Variants in CDH12 observed in about 807,000 individuals in gnomAD.
CDH12 encodes the protein cadherin 12.
CDH12 carries 41 observed loss-of-function variants against 74.1 expected under a neutral mutation model. The ratio of observed to expected loss-of-function variants is 0.55; its 90% confidence interval spans 0.43 to 0.72. The LOEUF (loss-of-function observed/expected upper bound fraction) is 0.72. CDH12 is among the 30% of genes least tolerant of loss of function. The probability of loss-of-function intolerance (pLI) is 0.00; values close to 1 mark genes in which losing one functional copy is unlikely to be tolerated. For synonymous variants in CDH12, 399 were observed against 355.0 expected (o/e 1.12, Z -1.39); for missense variants, 945 against 977.2 (o/e 0.97, Z 0.44).
chr5:22,088,591 C>T (rs1352612528), intron 4 of CDH12, among the ~76,000 whole-genome samples: 1 of 152,140 alleles, frequency 6.6e-6, no homozygotes, highest in African/African-American at 2.4e-5. Context: ...TTGGTATAGA[C>T]ATTCCTCTCA....
chr5:21,822,973 T>C (rs963722481), intron 8 of CDH12, among the ~76,000 whole-genome samples: 2 of 152,132 alleles, frequency 1.3e-5, no homozygotes, highest in African/African-American at 4.8e-5. Flanking sequence ...AAATTGTCTT[T>C]CAAAAATTAT....
chr5:22,221,203 C>A (rs972536283), intron 3 of CDH12, among the ~76,000 whole-genome samples: 1 of 151,818 alleles, frequency 6.6e-6, no homozygotes, highest in African/African-American at 2.4e-5. Context: ...AGCTTTTAAT[C>A]TGCTTATTCA....
At chr5:22,839,936 T>G (rs1013177137) in intron 1 of CDH12, among the ~76,000 whole-genome samples, 1 of 152,168 alleles carries the variant, frequency 6.6e-6, no homozygotes, top group African/African-American at 2.4e-5. Flanking sequence ...AACAATAAGT[T>G]AAAACTCTGA....
chr5:22,255,294 A>G (rs1185923194), intron 3 of CDH12, among the ~76,000 whole-genome samples: 4 of 151,554 alleles, frequency 2.6e-5, no homozygotes, highest in Admixed American at 2.0e-4. Context: ...ATGAGTTTCT[A>G]TTTTTCACCA....
intron 3 of CDH12, among the ~76,000 whole-genome samples, chr5:22,302,281 G>A (rs938694813): frequency 6.6e-6 from 1 of 152,028 alleles, no homozygotes; most frequent in African/African-American, 2.4e-5. Context: ...ATTAGTGCTT[G>A]TGTCAAGAAA....
intron 4 of CDH12, among the ~76,000 whole-genome samples, chr5:22,197,394 C>A (rs553687238): frequency 3.1e-4 from 47 of 152,210 alleles, no homozygotes; most frequent in African/African-American, 5.3e-4. Flanking sequence ...TTGCAGTGAG[C>A]CAAGAGTCCG....
At chr5:22,319,458 G>A (rs1012935069) in intron 3 of CDH12, among the ~76,000 whole-genome samples, 1 of 152,058 alleles carries the variant, frequency 6.6e-6, no homozygotes, top group African/African-American at 2.4e-5. Flanking sequence ...CGGAAATTTA[G>A]GGTTTGTCTA....
intron 4 of CDH12, among the ~76,000 whole-genome samples, chr5:22,090,312 A>C (rs1743333860): frequency 6.6e-6 from 1 of 151,924 alleles, no homozygotes; most frequent in Non-Finnish European, 1.5e-5. Context: ...TAGAAAGACA[A>C]AAATTAATAA....
chr5:22,172,596 T>G (rs577773212), intron 4 of CDH12: 1 of 151,866 alleles, frequency 6.6e-6, no homozygotes, highest in East Asian at 1.9e-4. Flanking sequence ...AACTGGGAGG[T>G]CTCTTTCCTT....
chr5:22,717,567 C>T lies in CDH12; in HGVS notation c.-523+135491G>A, dbSNP rs973534764. ...TATATTTTCTACAGTAGAAAGGATA[C>T]ACAAATGTGACCCAAAATGCCAGGC... On this transcript the variant is annotated intron_variant, in intron 1 of 14. Coordinates refer to ENST00000382254, the MANE Select transcript of CDH12 (RefSeq NM_004061.5). Among the ~76,000 whole-genome samples, 3 of 152,076 alleles carry T rather than the reference C, an allele frequency of 2.0e-5. No individual in the cohort carries two copies. In the South Asian group the frequency reaches 6.2e-4, roughly 32 times the overall value.
At chr5:21,934,637 A>G (rs1302636643) in intron 6 of CDH12, among the ~76,000 whole-genome samples, 1 of 152,158 alleles carries the variant, frequency 6.6e-6, no homozygotes, top group Non-Finnish European at 1.5e-5. Flanking sequence ...ATGTGCGTGT[A>G]TGCATGTGTT....
At chr5:22,235,249 T>C (rs1348055891) in intron 3 of CDH12, among the ~76,000 whole-genome samples, 1 of 152,044 alleles carries the variant, frequency 6.6e-6, no homozygotes, top group East Asian at 1.9e-4. Flanking sequence ...TGATAATATA[T>C]ACAGTACACA....
chr5:21,939,280 T>C (rs1261920792), intron 6 of CDH12, among the ~76,000 whole-genome samples: 2 of 151,510 alleles, frequency 1.3e-5, no homozygotes, highest in Non-Finnish European at 1.5e-5. Context: ...TAGGAAAAAA[T>C]AGTTGCACTG....
At chr5:22,022,097 A>T (rs1425534848) in intron 5 of CDH12, among the ~76,000 whole-genome samples, 2 of 152,184 alleles carry the variant, frequency 1.3e-5, no homozygotes, top group Non-Finnish European at 2.9e-5. Flanking sequence ...TCAGCTTTCC[A>T]AAGTGTTGGG....
intron 6 of CDH12, among the ~76,000 whole-genome samples, chr5:21,918,442 G>A (rs140048171): frequency 6.6e-6 from 1 of 151,882 alleles, no homozygotes; most frequent in East Asian, 1.9e-4. Context: ...AGACATACCC[G>A]AGGCTGGGTA....
intron 1 of CDH12, among the ~76,000 whole-genome samples, chr5:22,549,296 C>T (rs1351300764): frequency 1.3e-5 from 2 of 151,938 alleles, no homozygotes; most frequent in Non-Finnish European, 2.9e-5. Context: ...TTAAGATTTA[C>T]TTTTGTGCCA....
chr5:22,206,770 C>T (rs1020465014), intron 4 of CDH12, among the ~76,000 whole-genome samples: 4 of 141,840 alleles, frequency 2.8e-5, no homozygotes, highest in African/African-American at 7.9e-5. Context: ...TGCATATATA[C>T]ACTGGTAGTT....
intron 5 of CDH12, among the ~76,000 whole-genome samples, chr5:22,035,040 G>T (rs1055268578): frequency 7.9e-5 from 12 of 152,294 alleles, no homozygotes; most frequent in African/African-American, 2.9e-4. Flanking sequence ...TTGAGGATCT[G>T]CTGTACGTTT....
At chr5:22,074,083 CT>C (rs1742135378) in intron 5 of CDH12, among the ~76,000 whole-genome samples, 1 of 152,076 alleles carries the variant, frequency 6.6e-6, no homozygotes, top group Non-Finnish European at 1.5e-5. Context: ...TCCTTCTTCT[CT>C]TCTTCCTCCT....
Sources: allele counts gnomAD v4.1 joint callset (sites outside exome capture counted in the v4.1 genomes callset), GRCh38; gene constraint gnomAD v4.1.1; transcripts MANE v1.5; gene names NCBI Gene and HGNC (gene_info 2026-07-23, HGNC 2026-07-21).